FNIP1: variants seen among roughly 807,000 people sequenced by gnomAD.
FNIP1 encodes folliculin interacting protein 1.
Under a neutral mutation model 124.5 loss-of-function variants are expected in FNIP1, and 40 were observed. The ratio of observed to expected loss-of-function variants is 0.32; its 90% CI spans 0.25 to 0.42. FNIP1 has a LOEUF of 0.42. Ranked by LOEUF, FNIP1 falls within the 10% of genes least tolerant of loss-of-function variation. FNIP1 has a pLI of 1.00. For missense variants in FNIP1, 1,176 were observed against 1,403.7 expected (o/e 0.84, Z 2.59); for synonymous variants, 472 against 470.6 (o/e 1.00, Z -0.04).
intron 15 of FNIP1, among the ~76,000 whole-genome samples, chr5:131,652,228 T>C (rs1767060781): frequency 6.6e-6 from 1 of 152,248 alleles, no homozygotes; most frequent in African/African-American, 2.4e-5. Context: ...GGACTTTGTA[T>C]TATTTAGTCC....
intron 17 of FNIP1, among the ~76,000 whole-genome samples, 189 bp from the exon 18 acceptor site, chr5:131,644,952 C>T (rs995471409): frequency 2.6e-5 from 4 of 152,136 alleles, no homozygotes; most frequent in Non-Finnish European, 5.9e-5. Flanking sequence ...ACATCATAAA[C>T]GTAGAAAAGT....
At position 131,796,996 on chromosome 5, in the gene FNIP1, C is replaced by T; in HGVS notation, c.-75G>A. ...CTGCTCCTACAGCCGCCCCGCCACC[C>T]CCATGGGCGCCTCAGTCATATGACA... On this transcript the variant is annotated 5_prime_UTR_variant, in exon 1 of 18. Transcript: ENST00000510461. 7.6e-7 allele frequency: 1 copy of T among 1,321,666 alleles called. No individual in the cohort carries two copies. The highest frequency in any genetic ancestry group is 1.0e-6 in the Non-Finnish European group (1 of 955,492). The allele number at this position is 1,321,666 out of a possible 1,614,324, so 81.9% of individuals were successfully genotyped here. A position where few individuals can be genotyped will look rare whatever the true frequency, so the allele number is the denominator to read the frequency against.
chr5:131,672,943 G>GA lies in FNIP1; in HGVS notation c.1520-20_1520-19insT, dbSNP rs1767809003. 3.3e-6 allele frequency: 5 copies of GA among 1,497,788 alleles called. No homozygotes were observed. The African/African-American group carries it at 7.0e-5, about 21-fold the overall frequency. The allele number at this position is 1,497,788 out of a possible 1,614,324, so 92.8% of individuals were successfully genotyped here. ...AAGTCTCCTGTAATGGAAAAAATCA[G>GA]TTATTGGACATGTCCTTTACTGACA... On this transcript the variant is annotated intron_variant, in intron 13 of 17. Transcript: ENST00000510461.
intron 15 of FNIP1, among the ~76,000 whole-genome samples, chr5:131,657,749 A>AAAC (rs1336288713): frequency 6.6e-6 from 1 of 150,964 alleles, no homozygotes; most frequent in Non-Finnish European, 1.5e-5. Context: ...AAAAAAAAAA[A>AAAC]AAAAAAAAAC....
chr5:131,772,107 G>A (rs1378954456), intron 1 of FNIP1, among the ~76,000 whole-genome samples: 1 of 152,108 alleles, frequency 6.6e-6, no homozygotes, highest in African/African-American at 2.4e-5. Context: ...CATGCATAGA[G>A]GAATGTCAAA....
Position 131,730,891 on chromosome 5 carries a change from T to C in FNIP1, c.354+13A>G, listed in dbSNP as rs754794833. 47 of 1,583,440 alleles carry C rather than the reference T, an allele frequency of 3.0e-5. No homozygotes were observed. The highest frequency in any genetic ancestry group is 1.4e-5 in the African/African-American group (1 of 73,368). ...TAAATGAATGAATAAATAAATGACATCAATGATCTTACCTGGTACTTAAGA... is the reference window on the plus strand; with the variant it reads ...TAAATGAATGAATAAATAAATGACACCAATGATCTTACCTGGTACTTAAGA... On this transcript the variant is annotated intron_variant, in intron 3 of 17. Transcript: ENST00000510461.
chr5:131,711,293 G>A (rs899741436), intron 6 of FNIP1, among the ~76,000 whole-genome samples: 1 of 152,222 alleles, frequency 6.6e-6, no homozygotes, highest in Non-Finnish European at 1.5e-5. Context: ...ACTCCCAGCT[G>A]TTCAAGAGAA....
chr5:131,668,117 C>A (rs973266414), intron 15 of FNIP1, among the ~76,000 whole-genome samples: 47 of 152,148 alleles, frequency 3.1e-4, no homozygotes, highest in Admixed American at 2.7e-3. Context: ...TCTAACTTGA[C>A]CTGATAGCTA....
chr5:131,713,044 G>T (rs182190573), intron 6 of FNIP1, among the ~76,000 whole-genome samples: 29 of 151,668 alleles, frequency 1.9e-4, no homozygotes, highest in Non-Finnish European at 3.2e-4. Flanking sequence ...CTTAGTCTGT[G>T]TGCCTCTCTT....
intron 1 of FNIP1, among the ~76,000 whole-genome samples, chr5:131,789,271 A>G (rs1772321075): frequency 6.6e-6 from 1 of 152,206 alleles, no homozygotes; most frequent in African/African-American, 2.4e-5. Context: ...TGTATAATCC[A>G]ATCAATTAAA....
intron 1 of FNIP1, among the ~76,000 whole-genome samples, chr5:131,746,562 T>A (rs1770689261): frequency 1.3e-5 from 2 of 152,234 alleles, no homozygotes. Flanking sequence ...TCACTCAGGA[T>A]AACGGCCTCC....
In FNIP1 at chr5:131,787,632, G is replaced by C. The variant is rs150412459; in HGVS notation, c.92+9198C>G. Among the ~76,000 whole-genome samples the C allele has an allele frequency of 4.4e-3, 665 of 152,272 alleles. 12 individuals are homozygous for C. Among genetic ancestry groups the C allele is most frequent in the African/African-American group, 0.016 (647 of 41,542 alleles). On this transcript the variant is annotated intron_variant, in intron 1 of 17. Coordinates refer to ENST00000510461, the MANE Select transcript of FNIP1 (RefSeq NM_133372.3). Reference sequence around the variant, plus strand: ...TAAGATACTTAATTTCTCTGTGCCTGTTTCCTCATCAATGAAACAGGGATA... The same window carrying C: ...TAAGATACTTAATTTCTCTGTGCCTCTTTCCTCATCAATGAAACAGGGATA...
intron 1 of FNIP1, among the ~76,000 whole-genome samples, chr5:131,757,774 CATAGAGGGGCTT>C (rs1771096399): frequency 6.6e-6 from 1 of 151,986 alleles, no homozygotes; most frequent in Admixed American, 6.6e-5. Context: ...AAGCTCACTT[CATAGAGGGGCTT>C]ATATTTTGGG....
intron 1 of FNIP1, among the ~76,000 whole-genome samples, chr5:131,781,151 G>A (rs951921872): frequency 6.6e-6 from 1 of 152,226 alleles, no homozygotes. Context: ...CCAGGGCAAG[G>A]CCCTAACTCT....
intron 1 of FNIP1, among the ~76,000 whole-genome samples, chr5:131,768,851 T>G (rs1033261538): frequency 6.6e-6 from 1 of 152,122 alleles, no homozygotes; most frequent in Admixed American, 6.6e-5. Context: ...TAAATTAGTA[T>G]AAGGCCATTA....
chr5:131,701,590 T>C (rs1768900963), intron 10 of FNIP1, among the ~76,000 whole-genome samples: 3 of 152,240 alleles, frequency 2.0e-5, no homozygotes, highest in African/African-American at 7.2e-5. Context: ...ATGAACTATT[T>C]ATTTTTTGAC....
intron 11 of FNIP1, among the ~76,000 whole-genome samples, chr5:131,684,290 T>C (rs1292537169): frequency 1.3e-5 from 2 of 152,202 alleles, no homozygotes; most frequent in East Asian, 3.8e-4. Context: ...GCTTTGCACA[T>C]GTAAACAAAT....
intron 9 of FNIP1, among the ~76,000 whole-genome samples, chr5:131,705,046 A>T (rs1769049225): frequency 6.6e-6 from 1 of 152,204 alleles, no homozygotes; most frequent in African/African-American, 2.4e-5. Context: ...CTGATAAGGG[A>T]TCAATATCTA....
chr5:131,767,106 C>T (rs979467998), intron 1 of FNIP1, among the ~76,000 whole-genome samples: 5 of 152,118 alleles, frequency 3.3e-5, no homozygotes, highest in Non-Finnish European at 5.9e-5. Context: ...CTACTGCACT[C>T]CACTTGAAAG....
Sources: allele counts gnomAD v4.1 joint callset (sites outside exome capture counted in the v4.1 genomes callset), GRCh38; gene constraint gnomAD v4.1.1; transcripts MANE v1.5; gene names NCBI Gene and HGNC (gene_info 2026-07-23, HGNC 2026-07-21).